FAM83A: variants seen among roughly 807,000 people sequenced by gnomAD.
The protein encoded by FAM83A is scaffolding CK1 anchoring protein A.
A neutral mutation model predicts 24.4 loss-of-function variants in FAM83A; 21 were observed. The ratio of observed to expected loss-of-function variants is 0.86; its 90% confidence interval spans 0.61 to 1.24. The LOEUF (loss-of-function observed/expected upper bound fraction) is 1.24. Among genes scored for constraint, FAM83A ranks in the 50% most tolerant of loss-of-function variants. The probability of loss-of-function intolerance (pLI) is 0.00; values close to 1 mark genes in which losing one functional copy is unlikely to be tolerated. For missense variants in FAM83A, 617 were observed against 579.8 expected, an observed-to-expected ratio of 1.06 and a Z score of -0.66; for synonymous variants, 270 against 252.4, an observed-to-expected ratio of 1.07 and a Z score of -0.66.
At chr8:123,184,838 TAGAAG>T (rs1823737422) in intron 1 of FAM83A, among the ~76,000 whole-genome samples, 1 of 152,250 alleles carries the variant, frequency 6.6e-6, no homozygotes, top group Admixed American at 6.5e-5. Flanking sequence ...TTGTTACACT[TAGAAG>T]AAGTCATAAA....
exon 4 of FAM83A, chr8:123,208,998 G>A: frequency 1.0e-6 from 1 of 987,762 alleles, no homozygotes; most frequent in African/African-American, 1.7e-5. Flanking sequence ...GAGCATAGAG[G>A]AGGGTTGGCC....
In FAM83A at chr8:123,209,993, G is replaced by A. The variant is rs756078471; in HGVS notation, c.*2305G>A. On this transcript the variant is annotated 3_prime_UTR_variant, in exon 4 of 4. Transcript: ENST00000690554. This position sits in a 1 kb window ranked among gnomAD's most constrained non-coding sequence, Gnocchi z 4.7. The stretch of plus-strand genomic sequence containing the variant: ...CTCCTCTGCCAGCCTGGGGTCCTAA[G>A]CGATGAGCAGAATCCCCCACTCCCA... 7.6e-5 allele frequency: 14 copies of A among 183,778 alleles called. No individual in the cohort carries two copies. Among genetic ancestry groups the A allele is most frequent in the Middle Eastern group, 2.8e-3 (1 of 362 alleles). 11.4% of individuals were successfully genotyped at this position (183,778 alleles called of 1,614,324 possible).
chr8:123,207,214 G>A, exon 4 of FAM83A: 1 of 1,612,142 alleles, frequency 6.2e-7, no homozygotes, highest in Non-Finnish European at 8.5e-7. Flanking sequence ...TCACAGGCCA[G>A]GCGGTGGAGC....
chr8:123,204,172 G>C (rs1235074373), intron 3 of FAM83A, among the ~76,000 whole-genome samples: 1 of 151,968 alleles, frequency 6.6e-6, no homozygotes, highest in East Asian at 1.9e-4. Flanking sequence ...CAGCACTTCG[G>C]GAGGCCAAGC....
At chr8:123,197,651 T>G (rs1056037972) in intron 3 of FAM83A, among the ~76,000 whole-genome samples, 2 of 152,198 alleles carry the variant, frequency 1.3e-5, no homozygotes, top group African/African-American at 4.8e-5. Context: ...GACACTCCAT[T>G]TCAAGGCACA....
exon 1 of FAM83A, chr8:123,182,818 C>A (rs371708485): frequency 1.3e-6 from 2 of 1,510,560 alleles, no homozygotes; most frequent in African/African-American, 1.4e-5. Context: ...GAGGAGCTGA[C>A]GTGCCAGCCT....
chr8:123,207,372 C>A, exon 4 of FAM83A: 1 of 1,611,572 alleles, frequency 6.2e-7, no homozygotes, highest in Non-Finnish European at 8.5e-7. Context: ...AGTGACCGCA[C>A]GTCCTCCAAC....
chr8:123,182,776 C>A, exon 1 of FAM83A: 1 of 1,492,730 alleles, frequency 6.7e-7, no homozygotes, highest in Non-Finnish European at 8.9e-7. Context: ...CCCCACTCCT[C>A]CGTGGTGTGT....
chr8:123,187,340 C>T (rs556696346), intron 1 of FAM83A, among the ~76,000 whole-genome samples: 2 of 152,224 alleles, frequency 1.3e-5, no homozygotes, highest in South Asian at 2.1e-4. Flanking sequence ...CCTGCCCTTT[C>T]GAACCACTTA....
intron 3 of FAM83A, among the ~76,000 whole-genome samples, chr8:123,197,087 C>T (rs1824181702): frequency 1.4e-5 from 2 of 140,310 alleles, no homozygotes; most frequent in African/African-American, 5.6e-5. Context: ...GGTGTCCACC[C>T]CTGAGCCAGT....
chr8:123,180,747 A>G (rs1377485673), upstream of FAM83A: 1 of 152,346 alleles, frequency 6.6e-6, no homozygotes, highest in Non-Finnish European at 1.5e-5. Context: ...CAAAAGGCAG[A>G]AGGGAAAAGG....
exon 4 of FAM83A, chr8:123,208,058 A>G: frequency 3.8e-6 from 4 of 1,054,424 alleles, no homozygotes; most frequent in Non-Finnish European, 4.6e-6. Flanking sequence ...CAAATGGGTA[A>G]ACAGAGGCAC....
chr8:123,193,235 T>C (rs1235622694), intron 2 of FAM83A, among the ~76,000 whole-genome samples: 1 of 152,122 alleles, frequency 6.6e-6, no homozygotes, highest in Non-Finnish European at 1.5e-5. Flanking sequence ...TATTGCTACC[T>C]CCACAAAACC....
At chr8:123,208,689 G>A (rs965660268) in exon 4 of FAM83A, 2 of 985,450 alleles carry the variant, frequency 2.0e-6, no homozygotes, top group Non-Finnish European at 2.4e-6. Context: ...AAGAAATATA[G>A]GATGCTTAGA....
chr8:123,207,398 T>C (rs1824593276), exon 4 of FAM83A: 1 of 1,610,738 alleles, frequency 6.2e-7, no homozygotes, highest in African/African-American at 1.3e-5. Flanking sequence ...CAGCGGCCGC[T>C]CGGCAGGCAG....
At chr8:123,181,382 A>G (rs546423159), upstream of FAM83A, among the ~76,000 whole-genome samples, 2 of 152,120 alleles carry the variant, frequency 1.3e-5, no homozygotes, top group Non-Finnish European at 2.9e-5. Context: ...GGTTCTTACC[A>G]TATCCTGGCT....
Position 123,209,900 on chromosome 8 carries a change from C to T in FAM83A, c.*2212C>T, listed in dbSNP as rs967186173. On this transcript the variant is annotated 3_prime_UTR_variant, in exon 4 of 4. Transcript: ENST00000690554. The surrounding 1 kb of genome is among the most constrained non-coding windows in gnomAD (Gnocchi z 4.7). ...GCATGAGCAGAACCGCCGAGGGTCA[C>T]TTCTGGGCAGAAGCTTTGAGAGCCT... 5 of 245,026 alleles carry T rather than the reference C, an allele frequency of 2.0e-5. No individual in the cohort carries two copies. Among genetic ancestry groups the T allele is most frequent in the African/African-American group, 1.1e-4 (5 of 45,912 alleles). 15.2% of individuals were successfully genotyped at this position (245,026 alleles called of 1,614,324 possible).
chr8:123,183,388 G>T (rs1268043807), intron 1 of FAM83A, 52 bp downstream of exon 1: 1 of 1,567,744 alleles, frequency 6.4e-7, no homozygotes, highest in Non-Finnish European at 8.7e-7. Context: ...GGAGGATCGG[G>T]GGCTGATAGA....
rs568933454 is a variant in FAM83A, at chr8:123,195,772, T to C, written c.773+1624T>C. Among the ~76,000 whole-genome samples, 3 of 151,902 alleles carry C rather than the reference T, an allele frequency of 2.0e-5. No homozygotes were observed. In the East Asian group the frequency reaches 5.8e-4, roughly 29 times the overall value. ...TGGTAAAAAAAAAAGGTGAGGGAGC[T>C]CACTGGGGCCTCTTCTGCAAGGGCA... On this transcript the variant is annotated intron_variant, in intron 3 of 3. Transcript: ENST00000690554.
Sources: gnomAD v4.1 joint callset for allele counts (sites outside exome capture counted in the v4.1 genomes callset) on GRCh38, gnomAD v4.1.1 for gene constraint, Gnocchi (gnomAD v3.1) non-coding constraint, MANE v1.5 for transcripts, NCBI Gene and HGNC (gene_info 2026-07-23, HGNC 2026-07-21) for gene names.